The following ZNF692 variants were observed in gnomAD, a reference collection of about 807,000 sequenced individuals.
ZNF692 encodes the protein AICAR responsive element binding protein.
ZNF692 carries 41 observed loss-of-function variants against 49.0 expected under a neutral mutation model. That is an observed-to-expected ratio of 0.84 (90% CI 0.65 to 1.08). ZNF692 has a LOEUF of 1.08. Among genes scored for constraint, ZNF692 ranks in the 50% least tolerant of loss-of-function variants. ZNF692 has a pLI of 0.00. For missense variants in ZNF692, 662 were observed against 662.2 expected (o/e 1.00, Z 0.00); for synonymous variants, 288 against 251.5 (o/e 1.15, Z -1.37).
At chr1:248,856,609 G>T in intron 4 of ZNF692, 47 bp from the exon 5 acceptor site, 1 of 1,611,060 alleles carries the variant, frequency 6.2e-7, no homozygotes, top group Non-Finnish European at 8.5e-7. Flanking sequence ...GGACTCAAGG[G>T]ATGAGGACAC....
intron 4 of ZNF692, 116 bp from the exon 5 acceptor site, chr1:248,856,678 G>A: frequency 1.5e-6 from 2 of 1,296,388 alleles, no homozygotes; most frequent in Admixed American, 2.0e-5. Context: ...AATAGAGACG[G>A]GGTCTCACTA....
intron 10 of ZNF692, 82 bp from the exon 11 acceptor site, chr1:248,850,863 C>G: frequency 8.4e-7 from 1 of 1,191,892 alleles, no homozygotes; most frequent in Non-Finnish European, 1.2e-6. Context: ...TGTCCCTCAC[C>G]AGAGTGCACC....
chr1:248,852,726 C>T (rs1232465031), intron 10 of ZNF692, among the ~76,000 whole-genome samples: 2 of 152,176 alleles, frequency 1.3e-5, no homozygotes, highest in African/African-American at 2.4e-5. Context: ...TGGCCTGTCG[C>T]ACTAGCAATC....
chr1:248,855,430 A>G lies in ZNF692; in HGVS notation c.988T>C (p.Cys330Arg), dbSNP rs775481438. The G allele has an allele frequency of 6.2e-7, 1 of 1,614,148 alleles. No individual in the cohort carries two copies. The highest frequency in any genetic ancestry group is 1.7e-5 in the Admixed American group (1 of 60,026). ...RKAAKRELMP[C>R]DFPGCGRIFS... is the part of the protein sequence containing the mutation. ...ATCCTTCCACAGCCAGGGAAGTCACAAGGCATCAGCTCTCTTTTGGCAGCT... is the reference window on the plus strand; with the variant it reads ...ATCCTTCCACAGCCAGGGAAGTCACGAGGCATCAGCTCTCTTTTGGCAGCT... The change falls in exon 9 of 12, where the codon TGT becomes CGT. Residue 330 changes from cysteine (C) to arginine (R), a missense_variant. By Grantham distance (180) the Cys-to-Arg change is radical (BLOSUM62 -3). Transcript: ENST00000306601.
chr1:248,857,382 C>A lies in ZNF692; in HGVS notation c.327G>T (p.Gly109=). The A allele has an allele frequency of 6.2e-7, 1 of 1,614,116 alleles. No individual in the cohort carries two copies. The highest frequency in any genetic ancestry group is 1.3e-5 in the African/African-American group (1 of 75,036). The change falls in exon 4 of 12, where the codon GGG becomes GGT. Residue 109 remains glycine, a synonymous_variant. Transcript: ENST00000306601. ...GLRGPGGQDG[G]LVWECSAGHT... ...GGCCTGCTGAGCACTCCCACACAAG[C>A]CCCCCATCTTGGCCGCCAGGCCCCC...
chr1:248,855,331 C>T (rs1170258333), intron 9 of ZNF692, 49 bp downstream of exon 9: 4 of 1,589,104 alleles, frequency 2.5e-6, no homozygotes, highest in Non-Finnish European at 3.5e-6. Flanking sequence ...TTCTTTTAGC[C>T]CTTTCCCCCA....
In ZNF692 at chr1:248,853,881, GAC is replaced by G. The variant is rs1491527576; in HGVS notation, c.1153+54_1153+55del. 96 of 1,395,352 alleles carry G rather than the reference GAC, an allele frequency of 6.9e-5. 1 individual carries two copies. Among genetic ancestry groups the G allele is most frequent in the Middle Eastern group, 2.3e-4 (1 of 4,394 alleles). 86.4% of individuals were successfully genotyped at this position (1,395,352 alleles called of 1,614,324 possible). ...AAACCCACAGAGCCCAGGGTGACGG[GAC>G]CCACAAAGGAAGGTAAAAGGTCCCA... On this transcript the variant is annotated intron_variant, in intron 10 of 11. Coordinates refer to ENST00000306601, the MANE Select transcript of ZNF692 (RefSeq NM_017865.4).
chr1:248,858,388 G>A lies in ZNF692; in HGVS notation c.-12-67C>T, dbSNP rs1351420924. ...GGGGGTCGGGGACCCGGCTCCACCT[G>A]CCGTTAGGGCCTCAGTTTCCTCATC... On this transcript the variant is annotated intron_variant, in intron 1 of 11. Transcript: ENST00000306601. This position sits in a 1 kb window ranked among gnomAD's most constrained non-coding sequence, Gnocchi z 4.3. 6.5e-7 allele frequency: 1 copy of A among 1,538,628 alleles called. No homozygotes were observed. Among genetic ancestry groups the A allele is most frequent in the Non-Finnish European group, 8.8e-7 (1 of 1,137,372 alleles).
chr1:248,851,639 G>T (rs1298684968), intron 10 of ZNF692, among the ~76,000 whole-genome samples: 1 of 151,826 alleles, frequency 6.6e-6, no homozygotes, highest in African/African-American at 2.4e-5. Context: ...ACTCCTGTCA[G>T]CCACTACTCC....
At chr1:248,856,614 G>C (rs985458489) in intron 4 of ZNF692, 52 bp from the exon 5 acceptor site, 1 of 1,609,662 alleles carries the variant, frequency 6.2e-7, no homozygotes, top group South Asian at 1.1e-5. Context: ...CAAGGGATGA[G>C]GACACATAAA....
Position 248,856,371 on chromosome 1 carries a change from AC to A in ZNF692, c.575del (p.Gly192ValfsTer72), listed in dbSNP as rs1660235277. ...CCTCATCATTGTCCTCTTCTTCCTC[AC>A]CCTCTTCCTCTCCTGGAGGTGGGAA... The part of the protein sequence containing the change: ...ETFPPPGEEE[G>X]EEEEDNDEDE... On this transcript the variant is annotated frameshift_variant, in exon 6 of 12. Coordinates refer to ENST00000306601, the MANE Select transcript of ZNF692 (RefSeq NM_017865.4). LOFTEE classifies it high-confidence loss of function. 6.2e-7 allele frequency: 1 copy of A among 1,611,732 alleles called. No homozygotes were observed. The highest frequency in any genetic ancestry group is 1.3e-5 in the African/African-American group (1 of 74,708).
chr1:248,850,176 G>C lies in ZNF692; in HGVS notation c.*34C>G. On this transcript the variant is annotated 3_prime_UTR_variant, in exon 12 of 12. Coordinates refer to ENST00000306601, the MANE Select transcript of ZNF692 (RefSeq NM_017865.4). ...TTGTTGCTCCTTTTCAGTCCCTGGA[G>C]TCTGGCTTCCCAAAGCCAAAGCTGG... 1 of 1,507,976 alleles carries C rather than the reference G, an allele frequency of 6.6e-7. No homozygotes were observed. Among genetic ancestry groups the C allele is most frequent in the South Asian group, 1.3e-5 (1 of 74,292 alleles). The allele number at this position is 1,507,976 out of a possible 1,614,324, so 93.4% of individuals were successfully genotyped here. A position where few individuals can be genotyped will look rare whatever the true frequency, so the allele number is the denominator to read the frequency against.
In ZNF692 at chr1:248,858,099, C is replaced by A. The variant is rs1660455288; in HGVS notation, c.179+32G>T. ...GAGGCTAGGGGCTGCTGCCTGGGTA[C>A]CCTCCCCCAAGCCCTTCTCCCGGCC... On this transcript the variant is annotated intron_variant, in intron 2 of 11. Coordinates refer to ENST00000306601, the MANE Select transcript of ZNF692 (RefSeq NM_017865.4). The surrounding 1 kb of genome is among the most constrained non-coding windows in gnomAD (Gnocchi z 4.3). 1 of 1,552,586 alleles carries A rather than the reference C, an allele frequency of 6.4e-7. No individual in the cohort carries two copies. The highest frequency in any genetic ancestry group is 8.7e-7 in the Non-Finnish European group (1 of 1,152,788).
chr1:248,857,501 G>C lies in ZNF692; in HGVS notation c.212-4C>G, dbSNP rs1015786135. On this transcript the variant is annotated splice_region_variant and splice_polypyrimidine_tract_variant and intron_variant, in intron 3 of 11. Coordinates refer to ENST00000306601, the MANE Select transcript of ZNF692 (RefSeq NM_017865.4). ...TTTGGAGGCAAAGGCTCAGGACCTGGAGGGGTGGGGGAAGCAGTCAGGCTG... is the reference window on the plus strand; with the variant it reads ...TTTGGAGGCAAAGGCTCAGGACCTGCAGGGGTGGGGGAAGCAGTCAGGCTG... 2 of 1,609,782 alleles carry C rather than the reference G, an allele frequency of 1.2e-6. No homozygotes were observed. The highest frequency in any genetic ancestry group is 1.7e-6 in the Non-Finnish European group (2 of 1,177,420).
intron 3 of ZNF692, 50 bp downstream of exon 3, chr1:248,857,778 C>T: frequency 6.2e-7 from 1 of 1,601,468 alleles, no homozygotes; most frequent in South Asian, 1.1e-5. Flanking sequence ...CTGGGTCACC[C>T]TGTGGTCCCT....
chr1:248,853,897 TA>T, intron 10 of ZNF692, 39 bp downstream of exon 10: 1 of 1,537,248 alleles, frequency 6.5e-7, no homozygotes, highest in Non-Finnish European at 9.0e-7. Flanking sequence ...CAAAGGAAGG[TA>T]AAAGGTCCCA....
At chr1:248,857,759 A>G in intron 3 of ZNF692, 69 bp downstream of exon 3, 3 of 1,581,204 alleles carry the variant, frequency 1.9e-6, no homozygotes. Flanking sequence ...CTTTGAAAGG[A>G]GGGTGTTTCT....
chr1:248,858,221 C>A lies in ZNF692; in HGVS notation c.89G>T (p.Arg30Leu), dbSNP rs1275563797. ...LDARRSKCRI[R>L]LGGHMEQWCL... ...CCACTGCTCCATGTGGCCGCCCAGG[C>A]GGATGCGGCACTTGCTGCGGCGCGC... is the stretch of plus-strand genomic sequence containing the variant. Residue 30 changes from arginine (R) to leucine (L), a missense_variant, in exon 2 of 12, where the codon CGC becomes CTC. Physicochemically the swap from Arg to Leu is moderately radical, Grantham distance 102. Transcript: ENST00000306601. The surrounding 1 kb of genome is among the most constrained non-coding windows in gnomAD (Gnocchi z 4.3). The A allele has an allele frequency of 5.0e-6, 8 of 1,592,626 alleles. No individual in the cohort carries two copies. The highest frequency in any genetic ancestry group is 6.8e-6 in the Non-Finnish European group (8 of 1,170,420).
intron 8 of ZNF692, 24 bp downstream of exon 8, chr1:248,855,534 G>C (rs1660125402): frequency 6.2e-7 from 1 of 1,614,070 alleles, no homozygotes; most frequent in Non-Finnish European, 8.5e-7. Context: ...GCCCTCCCCA[G>C]AACCCCATCT....
Sources: gnomAD v4.1 joint callset for allele counts (sites outside exome capture counted in the v4.1 genomes callset) on GRCh38, gnomAD v4.1.1 for gene constraint, Gnocchi (gnomAD v3.1) non-coding constraint, MANE v1.5 for transcripts, NCBI Gene and HGNC (gene_info 2026-07-23, HGNC 2026-07-21) for gene names.